Variants in AHI1 observed in about 807,000 individuals in gnomAD.
The protein encoded by AHI1 is jouberin.
Under a neutral mutation model 149.3 loss-of-function variants are expected in AHI1, and 123 were observed. The ratio of observed to expected loss-of-function variants is 0.82; its 90% CI spans 0.71 to 0.96. AHI1 has a LOEUF of 0.96. Among genes scored for constraint, AHI1 ranks in the 40% least tolerant of loss-of-function variants. AHI1 has a pLI of 0.00. For missense variants in AHI1, 1,439 were observed against 1,422.7 expected (o/e 1.01, Z -0.18); for synonymous variants, 475 against 459.8 (o/e 1.03, Z -0.42).
intron 28 of AHI1, among the ~76,000 whole-genome samples, chr6:135,287,808 G>A (rs1012159507): frequency 5.3e-5 from 8 of 150,716 alleles, no homozygotes; most frequent in African/African-American, 1.5e-4. Flanking sequence ...TAAAAATACC[G>A]GGCCGTGGCC....
At chr6:135,331,290 G>A (rs1384906707) in intron 24 of AHI1, among the ~76,000 whole-genome samples, 1 of 152,166 alleles carries the variant, frequency 6.6e-6, no homozygotes, top group Non-Finnish European at 1.5e-5. Context: ...AATCCACGTG[G>A]TCAAATTTTG....
In AHI1 at chr6:135,400,146, C is replaced by T. The variant is rs76901151; in HGVS notation, c.2988+4805G>A. Among the ~76,000 whole-genome samples, 863 of 151,576 alleles carry T rather than the reference C, an allele frequency of 5.7e-3. 9 individuals carry two copies. Among genetic ancestry groups the T allele is most frequent in the African/African-American group, 0.02 (824 of 41,294 alleles). ...GCAGTTATCCAGTTTTGGAATGCCA[C>T]GAAAAAATAATTATGTTTTTAAAAA... On this transcript the variant is annotated intron_variant, in intron 22 of 28. Coordinates refer to ENST00000265602, the MANE Select transcript of AHI1 (RefSeq NM_001134831.2).
intron 27 of AHI1, chr6:135,297,602 A>G (rs890272030): frequency 5.0e-5 from 22 of 442,932 alleles, no homozygotes; most frequent in Non-Finnish European, 9.1e-5. Context: ...CTTCTTTAAT[A>G]TCTCTCAATG....
chr6:135,384,993 G>T (rs918084734), intron 23 of AHI1, among the ~76,000 whole-genome samples: 1 of 152,104 alleles, frequency 6.6e-6, no homozygotes, highest in East Asian at 1.9e-4. Flanking sequence ...GGAGGCTGAG[G>T]CAGGAGAATC....
chr6:135,294,324 TCAAAACAAAA>T lies in AHI1; in HGVS notation c.3486-3809_3486-3800del, dbSNP rs60857616. Among the ~76,000 whole-genome samples, 487 of 148,088 alleles carry T rather than the reference TCAAAACAAAA, an allele frequency of 3.3e-3. 1 individual carries two copies. Among genetic ancestry groups the T allele is most frequent in the Non-Finnish European group, 3.9e-3 (265 of 67,158 alleles). On this transcript the variant is annotated intron_variant, in intron 27 of 28. Coordinates refer to ENST00000265602, the MANE Select transcript of AHI1 (RefSeq NM_001134831.2). The stretch of plus-strand genomic sequence containing the variant: ...CCGGGTGACAGTGCAAGACTCCATC[TCAAAACAAAA>T]CAAAACAAAACAAAACAAAACAAAA...
At chr6:135,355,292 A>AT (rs2128431508) in intron 24 of AHI1, among the ~76,000 whole-genome samples, 1 of 151,986 alleles carries the variant, frequency 6.6e-6, no homozygotes, top group South Asian at 2.1e-4. Flanking sequence ...TCATGTGGAG[A>AT]TTTTTTTCAC....
intron 23 of AHI1, among the ~76,000 whole-genome samples, chr6:135,367,949 GT>G (rs1234441259): frequency 1.3e-5 from 2 of 152,128 alleles, no homozygotes; most frequent in African/African-American, 4.8e-5. Flanking sequence ...TACCAGAATT[GT>G]TTTTCTGGCT....
chr6:135,419,600 T>C (rs932983573), intron 20 of AHI1, among the ~76,000 whole-genome samples: 1 of 152,164 alleles, frequency 6.6e-6, no homozygotes, highest in Non-Finnish European at 1.5e-5. Flanking sequence ...TCAATGCATT[T>C]ACCTTAAAAA....
At chr6:135,352,972 T>G (rs1386002925) in intron 24 of AHI1, among the ~76,000 whole-genome samples, 1 of 151,860 alleles carries the variant, frequency 6.6e-6, no homozygotes, top group African/African-American at 2.4e-5. Context: ...TATAAAATTT[T>G]CAGAATTTTA....
At chr6:135,476,980 A>G (rs1483822535) in intron 5 of AHI1, among the ~76,000 whole-genome samples, 6 of 151,954 alleles carry the variant, frequency 3.9e-5, no homozygotes, top group African/African-American at 1.4e-4. Context: ...GAGTTTAAAT[A>G]CACTATTCTA....
At chr6:135,321,960 C>T (rs560432545) in intron 25 of AHI1, among the ~76,000 whole-genome samples, 9 of 152,172 alleles carry the variant, frequency 5.9e-5, no homozygotes, top group Non-Finnish European at 1.2e-4. Flanking sequence ...CACCACCACG[C>T]CTGGCTCATT....
rs764412921 is a variant in AHI1 at position 135,438,494 on chromosome 6, A to G, written c.1917T>C (p.Tyr639=). The stretch of plus-strand genomic sequence containing the variant: ...TCATGAAACGTCCAGAAGGAATTTC[A>G]TATACTAATGAAAATATTTAGAAAT... ...ASRDGYPIIL[Y]EIPSGRFMRE... Residue 639 remains tyrosine, a synonymous_variant, in exon 15 of 29, where the codon TAT becomes TAC. Transcript: ENST00000265602. The G allele has an allele frequency of 3.2e-5, 50 of 1,538,734 alleles. No homozygotes were observed. Among genetic ancestry groups the G allele is most frequent in the Non-Finnish European group, 4.1e-5 (47 of 1,139,484 alleles).
chr6:135,466,254 G>A lies in AHI1; in HGVS notation c.309C>T (p.Asn103=), dbSNP rs920809603. Residue 103 remains asparagine, a synonymous_variant, in exon 7 of 29, where the codon AAC becomes AAT. Coordinates refer to ENST00000265602, the MANE Select transcript of AHI1 (RefSeq NM_001134831.2). ...STRVTKNKLR[N]TQLATENPNG... is the part of the protein sequence containing the mutation. ...TAGGATTTTCAGTTGCTAACTGTGT[G>A]TTCCTCAATTTGTTTTTAGTGACTC... The A allele has an allele frequency of 1.2e-6, 2 of 1,613,802 alleles. No individual in the cohort carries two copies.
chr6:135,339,047 C>T (rs1789881133), intron 24 of AHI1, among the ~76,000 whole-genome samples: 1 of 152,058 alleles, frequency 6.6e-6, no homozygotes, highest in African/African-American at 2.4e-5. Flanking sequence ...CCTGCCTCAG[C>T]CTCCCAAGTA....
At chr6:135,325,552 T>C (rs1045742323) in intron 24 of AHI1, among the ~76,000 whole-genome samples, 6 of 152,206 alleles carry the variant, frequency 3.9e-5, no homozygotes, top group Non-Finnish European at 5.9e-5. Context: ...AGGCCATGTA[T>C]CTTTATTTCC....
chr6:135,313,976 C>T (rs1785574045), intron 26 of AHI1, among the ~76,000 whole-genome samples: 1 of 152,170 alleles, frequency 6.6e-6, no homozygotes, highest in African/African-American at 2.4e-5. Context: ...CATAGCATCA[C>T]ACAGTTTTTA....
intron 5 of AHI1, among the ~76,000 whole-genome samples, chr6:135,488,622 A>C (rs1439813780): frequency 6.6e-6 from 1 of 152,232 alleles, no homozygotes; most frequent in African/African-American, 2.4e-5. Context: ...CATGAGATTT[A>C]GAAATAATAT....
intron 20 of AHI1, among the ~76,000 whole-genome samples, chr6:135,426,200 T>C (rs1191444008): frequency 6.6e-6 from 1 of 151,768 alleles, no homozygotes; most frequent in Non-Finnish European, 1.5e-5. Flanking sequence ...CTGCTTGTAA[T>C]AGTAAATGGT....
rs574033007 is a variant in AHI1 at position 135,290,913 on chromosome 6, A to AACACACACACACACACACACAC, written c.3486-410_3486-389dup. Among the ~76,000 whole-genome samples the AACACACACACACACACACACAC allele has an allele frequency of 1.2e-3, 175 of 146,246 alleles. 1 individual carries two copies. The highest frequency in any genetic ancestry group is 6.8e-3 in the Middle Eastern group (2 of 292). ...ATCAACTTAGGTGGAAACACACACA[A>AACACACACACACACACACACAC]ACACACACACACACACACACACACA... is the stretch of plus-strand genomic sequence containing the variant. On this transcript the variant is annotated intron_variant, in intron 27 of 28. Coordinates refer to ENST00000265602, the MANE Select transcript of AHI1 (RefSeq NM_001134831.2).
Sources: allele counts gnomAD v4.1 joint callset (sites outside exome capture counted in the v4.1 genomes callset), GRCh38; gene constraint gnomAD v4.1.1; transcripts MANE v1.5; gene names NCBI Gene and HGNC (gene_info 2026-07-23, HGNC 2026-07-21).